Variants in ZBTB45 observed in about 807,000 individuals in gnomAD.
ZBTB45 encodes the protein zinc finger and BTB domain-containing protein 45.
A neutral mutation model predicts 28.4 loss-of-function variants in ZBTB45; 22 were observed. That is an observed-to-expected ratio of 0.77 (90% confidence interval 0.55 to 1.10). The LOEUF (loss-of-function observed/expected upper bound fraction) is 1.10, where lower values mean the gene tolerates loss of function less well. Among genes scored for constraint, ZBTB45 ranks in the 50% least tolerant of loss-of-function variants. ZBTB45 has a pLI of 0.00. For missense variants in ZBTB45, 656 were observed against 750.2 expected (o/e 0.87, Z 1.47); for synonymous variants, 361 against 332.3 (o/e 1.09, Z -0.94).
chr19:58,535,375 T>C (rs963380575), intron 1 of ZBTB45, among the ~76,000 whole-genome samples: 3 of 151,542 alleles, frequency 2.0e-5, no homozygotes, highest in Admixed American at 6.6e-5. Context: ...TGGCTCACAC[T>C]GGTAATCCCA....
chr19:58,523,384 A>G (rs889682160), upstream of ZBTB45, among the ~76,000 whole-genome samples: 8 of 150,864 alleles, frequency 5.3e-5, no homozygotes, highest in Non-Finnish European at 1.2e-4. Flanking sequence ...GGTCTCTACT[A>G]AAAATACAAA....
chr19:58,528,442 G>A (rs949065968), intron 1 of ZBTB45, among the ~76,000 whole-genome samples: 12 of 149,866 alleles, frequency 8.0e-5, no homozygotes, highest in African/African-American at 7.4e-5. Flanking sequence ...CAGCCTGGAC[G>A]ACAGAGCAAG....
intron 1 of ZBTB45, among the ~76,000 whole-genome samples, chr19:58,532,031 C>T (rs545630343): frequency 1.3e-5 from 2 of 152,148 alleles, no homozygotes; most frequent in East Asian, 3.9e-4. Context: ...GTCCTCCCCC[C>T]TCCTTCCTTT....
chr19:58,534,914 G>C (rs1394088857), intron 1 of ZBTB45, among the ~76,000 whole-genome samples: 1 of 149,730 alleles, frequency 6.7e-6, no homozygotes, highest in Non-Finnish European at 1.5e-5. Flanking sequence ...GAGTGCAATG[G>C]CATGATTTTT....
At chr19:58,521,786 C>T (rs73066244), upstream of ZBTB45, among the ~76,000 whole-genome samples, 33,088 of 152,014 alleles carry the variant, frequency 0.22, 4,223 homozygotes, top group Non-Finnish European at 0.29. Context: ...TTTACCAGGC[C>T]CCTTCGTGAT....
At chr19:58,538,694 C>T (rs1185104939) in intron 1 of ZBTB45, 4 of 152,194 alleles carry the variant, frequency 2.6e-5, no homozygotes, top group African/African-American at 9.7e-5. Flanking sequence ...CGGCTAGCCA[C>T]CTTTACCTGT....
chr19:58,536,752 C>T (rs1306685315), intron 1 of ZBTB45, among the ~76,000 whole-genome samples: 4 of 152,226 alleles, frequency 2.6e-5, no homozygotes, highest in Middle Eastern at 3.4e-3. Context: ...AGCATGCACA[C>T]GTGTGGGGTT....
chr19:58,520,556 T>C (rs1282563712), upstream of ZBTB45, among the ~76,000 whole-genome samples: 3 of 152,154 alleles, frequency 2.0e-5, no homozygotes, highest in Non-Finnish European at 4.4e-5. Flanking sequence ...CATTAGCTGA[T>C]CTTAAAATAG....
chr19:58,522,313 CA>C (rs2053583274), upstream of ZBTB45, among the ~76,000 whole-genome samples: 1 of 151,744 alleles, frequency 6.6e-6, no homozygotes, highest in Admixed American at 6.6e-5. Context: ...AGGCACCTAC[CA>C]CCATGCCCCA....
chr19:58,522,495 C>A (rs1322953378), upstream of ZBTB45, among the ~76,000 whole-genome samples: 1 of 151,436 alleles, frequency 6.6e-6, no homozygotes, highest in African/African-American at 2.4e-5. Flanking sequence ...ATTAGCTGGG[C>A]GTGGTGGCGG....
intron 1 of ZBTB45, among the ~76,000 whole-genome samples, chr19:58,532,922 G>T (rs2053642191): frequency 6.6e-6 from 1 of 151,872 alleles, no homozygotes; most frequent in Non-Finnish European, 1.5e-5. Flanking sequence ...TGCAACCTCT[G>T]CCTCCCGGGT....
chr19:58,513,967 G>A lies in ZBTB45; in HGVS notation c.*87C>T, dbSNP rs970734637. ...CGCTCAGGAGGGAGCGTGGTCTAGT[G>A]GCGGGAACCACGGGTCCCGCAGCGG... On this transcript the variant is annotated 3_prime_UTR_variant, in exon 3 of 3. Transcript: ENST00000594051. The A allele has an allele frequency of 3.4e-5, 45 of 1,331,822 alleles. No homozygotes were observed. The highest frequency in any genetic ancestry group is 2.2e-4 in the African/African-American group (14 of 64,484). The allele number at this position is 1,331,822 out of a possible 1,614,324, so 82.5% of individuals were successfully genotyped here.
intron 1 of ZBTB45, among the ~76,000 whole-genome samples, chr19:58,537,241 T>C (rs1485091389): frequency 2.0e-5 from 3 of 152,096 alleles, no homozygotes; most frequent in South Asian, 2.1e-4. Context: ...ATGTGGACAA[T>C]GGGGCCCCAC....
intron 1 of ZBTB45, among the ~76,000 whole-genome samples, chr19:58,518,740 C>T (rs561619252): frequency 1.3e-5 from 2 of 152,134 alleles, no homozygotes; most frequent in African/African-American, 2.4e-5. Flanking sequence ...ATACTCGGCT[C>T]ATCCCGCACC....
At chr19:58,526,059 C>T (rs1026955522) in intron 1 of ZBTB45, among the ~76,000 whole-genome samples, 2 of 151,964 alleles carry the variant, frequency 1.3e-5, no homozygotes, top group Non-Finnish European at 2.9e-5. Context: ...GAAACCCCCT[C>T]TCTACTAAAA....
intron 1 of ZBTB45, 100 bp from the exon 2 acceptor site, chr19:58,517,773 G>A: frequency 4.4e-6 from 5 of 1,148,234 alleles, no homozygotes; most frequent in Non-Finnish European, 2.5e-6. Flanking sequence ...CAGGGCTCGA[G>A]TGCACCACAC....
chr19:58,530,346 T>C (rs1035284306), intron 1 of ZBTB45, among the ~76,000 whole-genome samples: 9 of 152,268 alleles, frequency 5.9e-5, no homozygotes, highest in African/African-American at 2.2e-4. Flanking sequence ...TTTTGCTCGT[T>C]GCTCAGGCTG....
rs754571247 is a variant in ZBTB45, at chr19:58,517,250, GGGGCACAGGGGTGGGCAGGGGCGT to G, written c.400_423del (p.Thr134_Pro141del). The stretch of plus-strand genomic sequence containing the variant: ...CGCAGCTGCGCAGGTGCGAGTGGCG[GGGGCACAGGGGTGGGCAGGGGCGT>G]GGGCGCAGAGGTGCCCGGGGCTCGA... On this transcript the variant is annotated inframe_deletion, in exon 2 of 3. Coordinates refer to ENST00000594051, the MANE Select transcript of ZBTB45 (RefSeq NM_001316979.2). 6.9e-6 allele frequency: 11 copies of G among 1,587,292 alleles called. No homozygotes were observed. Among genetic ancestry groups the G allele is most frequent in the East Asian group, 2.2e-5 (1 of 44,468 alleles).
Position 58,514,314 on chromosome 19 carries a change from C to T in ZBTB45, c.1280-4G>A. ...GCGCACTGGTGCGGCTTCTCCCCTG[C>T]GGAAGACAGGGCGGGCCGCGAACGC... is the stretch of plus-strand genomic sequence containing the variant. On this transcript the variant is annotated splice_polypyrimidine_tract_variant and splice_region_variant and intron_variant, in intron 2 of 2. Transcript: ENST00000594051. The T allele has an allele frequency of 6.3e-7, 1 of 1,597,670 alleles. No homozygotes were observed.
Sources: gnomAD v4.1 joint callset for allele counts (sites outside exome capture counted in the v4.1 genomes callset) on GRCh38, gnomAD v4.1.1 for gene constraint, MANE v1.5 for transcripts, NCBI Gene and HGNC (gene_info 2026-07-23, HGNC 2026-07-21) for gene names.